The following NFASC variants were observed in gnomAD, a reference collection of about 807,000 sequenced individuals.
NFASC encodes the protein neurofascin.
NFASC carries 43 observed loss-of-function variants against 147.5 expected under a neutral mutation model. That is an observed-to-expected ratio of 0.29 (90% CI 0.23 to 0.38). The LOEUF is 0.38. Ranked by LOEUF, NFASC falls within the 10% of genes least tolerant of loss-of-function variation. NFASC has a pLI of 1.00. For missense variants in NFASC, 1,320 were observed against 1,689.0 expected (o/e 0.78, Z 3.83); for synonymous variants, 622 against 665.5 (o/e 0.93, Z 1.01).
At chr1:204,976,590 C>A in intron 15 of NFASC, 81 bp from the exon 16 acceptor site, 3 of 1,060,796 alleles carry the variant, frequency 2.8e-6, no homozygotes, top group Non-Finnish European at 2.8e-6. Context: ...GACTCGAGAA[C>A]CCCCTCTAGG....
intron 1 of NFASC, among the ~76,000 whole-genome samples, chr1:204,855,536 C>G (rs1158999927): frequency 6.6e-6 from 1 of 152,120 alleles, no homozygotes; most frequent in Non-Finnish European, 1.5e-5. Context: ...AGTAAAGAGA[C>G]CTCTGAGCAC....
intron 1 of NFASC, among the ~76,000 whole-genome samples, chr1:204,908,530 A>C (rs1206647461): frequency 6.6e-6 from 1 of 152,126 alleles, no homozygotes. Flanking sequence ...TGAGGGTATT[A>C]TAGATTCACA....
chr1:204,850,527 C>T (rs990192111), intron 1 of NFASC, among the ~76,000 whole-genome samples: 4 of 152,200 alleles, frequency 2.6e-5, no homozygotes, highest in African/African-American at 7.2e-5. Context: ...GAGGAGGGGC[C>T]TGGTGGGAGG....
intron 1 of NFASC, among the ~76,000 whole-genome samples, chr1:204,865,187 A>G (rs1319129350): frequency 6.6e-6 from 1 of 152,214 alleles, no homozygotes; most frequent in Non-Finnish European, 1.5e-5. Context: ...GGTAGTACTG[A>G]ACCCCATATA....
Position 204,972,255 on chromosome 1 carries a change from T to C in NFASC, c.1136-1021T>C, listed in dbSNP as rs185739523. 3.9e-5 allele frequency among the ~76,000 whole-genome samples: 6 copies of C among 152,358 alleles called. No homozygotes were observed. The East Asian group carries it at 5.8e-4, about 15-fold the overall frequency. On this transcript the variant is annotated intron_variant, in intron 11 of 29. Transcript: ENST00000339876. Reference sequence around the variant, plus strand: ...TCATCTTGAATGCGTTCATGTACTCTGTAAGCTAAGTCATCAGCTTCCTAG... The same window carrying C: ...TCATCTTGAATGCGTTCATGTACTCCGTAAGCTAAGTCATCAGCTTCCTAG...
intron 2 of NFASC, among the ~76,000 whole-genome samples, chr1:204,928,987 C>G (rs1052203028): frequency 6.6e-6 from 1 of 152,224 alleles, no homozygotes; most frequent in Non-Finnish European, 1.5e-5. Flanking sequence ...CAGCCCTTCC[C>G]TCTTCCCCAG....
chr1:205,007,873 G>C (rs957073121), intron 27 of NFASC, among the ~76,000 whole-genome samples: 1 of 152,140 alleles, frequency 6.6e-6, no homozygotes, highest in Admixed American at 6.5e-5. Context: ...AGCTTTGGAG[G>C]GTTAAAGCAA....
chr1:204,910,248 T>G (rs555469221), intron 1 of NFASC, among the ~76,000 whole-genome samples: 30 of 152,296 alleles, frequency 2.0e-4, no homozygotes, highest in African/African-American at 6.7e-4. Flanking sequence ...GATATTTGAT[T>G]TCTTTAATCA....
At chr1:204,836,506 A>G (rs926215560) in intron 1 of NFASC, among the ~76,000 whole-genome samples, 2 of 152,200 alleles carry the variant, frequency 1.3e-5, no homozygotes, top group African/African-American at 4.8e-5. Flanking sequence ...GGCACCACCA[A>G]TGTTTATGCT....
intron 1 of NFASC, among the ~76,000 whole-genome samples, chr1:204,879,038 C>T (rs996353722): frequency 1.3e-5 from 2 of 152,190 alleles, no homozygotes; most frequent in African/African-American, 2.4e-5. Flanking sequence ...TGAGGATAAC[C>T]TTCCCCTTAG....
intron 1 of NFASC, among the ~76,000 whole-genome samples, chr1:204,862,514 T>A (rs939191004): frequency 6.6e-6 from 1 of 152,230 alleles, no homozygotes; most frequent in African/African-American, 2.4e-5. Flanking sequence ...GTTATTGAAT[T>A]ATGTACACCT....
chr1:204,846,584 C>T (rs534765057), intron 1 of NFASC, among the ~76,000 whole-genome samples: 5 of 152,208 alleles, frequency 3.3e-5, no homozygotes, highest in African/African-American at 1.2e-4. Flanking sequence ...GAGGTAAGCT[C>T]TGGATTCCTA....
At chr1:204,897,554 A>G (rs1244804353) in intron 1 of NFASC, among the ~76,000 whole-genome samples, 1 of 152,038 alleles carries the variant, frequency 6.6e-6, no homozygotes, top group Non-Finnish European at 1.5e-5. Flanking sequence ...CAGTGCTCTA[A>G]TTCTAAAGCT....
chr1:204,988,678 C>T lies in NFASC; in HGVS notation c.2639C>T (p.Pro880Leu). 1 of 1,614,206 alleles carries T rather than the reference C, an allele frequency of 6.2e-7. No homozygotes were observed. The highest frequency in any genetic ancestry group is 8.5e-7 in the Non-Finnish European group (1 of 1,180,024). Residue 880 changes from proline (P) to leucine (L), a missense_variant, in exon 23 of 30, where the codon CCC becomes CTC. Physicochemically the swap from Pro to Leu is moderately conservative, Grantham distance 98. This residue lies in a region of NFASC where 981 missense variants were observed against 1,289.5 expected (regional missense o/e 0.76). Transcript: ENST00000339876. Reference sequence around the variant, plus strand: ...AAGCAGATAGTGGAAAACTTCTCTCCCAATCAGACCAAGTTCACGGTGCAA... The same window carrying T: ...AAGCAGATAGTGGAAAACTTCTCTCTCAATCAGACCAAGTTCACGGTGCAA... Reference protein sequence around the residue: ...VGKQIVENFSPNQTKFTVQRT... With the variant: ...VGKQIVENFSLNQTKFTVQRT...
In NFASC at chr1:204,968,968, C is replaced by T. The variant is rs201302248; in HGVS notation, c.989C>T (p.Ser330Leu). Residue 330 changes from serine (S) to leucine (L), a missense_variant, in exon 10 of 30, where the codon TCG becomes TTG. Physicochemically the swap from Ser to Leu is moderately radical, Grantham distance 145. Around this residue, in one of 3 missense-constraint regions of NFASC, gnomAD observed 981 missense variants for 1,289.5 expected, o/e 0.76. Transcript: ENST00000339876. The surrounding 1 kb of genome is among the most constrained non-coding windows in gnomAD (Gnocchi z 5.4). ...ATGGGCAGCATCCGGCACACGATCT[C>T]GGTGAGAGTAAAGGGTACGTTGTGT... ...NKMGSIRHTI[S>L]VRVKAAPYWL... 30 of 1,613,740 alleles carry T rather than the reference C, an allele frequency of 1.9e-5. No homozygotes were observed. The East Asian group carries it at 2.9e-4, about 16-fold the overall frequency.
intron 1 of NFASC, among the ~76,000 whole-genome samples, chr1:204,886,577 G>C (rs1461461451): frequency 6.6e-6 from 1 of 152,132 alleles, no homozygotes; most frequent in African/African-American, 2.4e-5. Context: ...AGTCTGGGAG[G>C]GGCCCAATAA....
intron 12 of NFASC, among the ~76,000 whole-genome samples, chr1:204,973,815 C>T (rs564597685): frequency 2.4e-4 from 37 of 152,206 alleles, no homozygotes; most frequent in Admixed American, 1.2e-3. Context: ...CTGGATCTCA[C>T]GGTGGGAAAT....
chr1:204,922,027 C>T (rs1458891272), intron 2 of NFASC, among the ~76,000 whole-genome samples: 3 of 152,014 alleles, frequency 2.0e-5, no homozygotes, highest in African/African-American at 7.3e-5. Context: ...GCAGGGGTGG[C>T]GCGGGCAGGG....
intron 3 of NFASC, among the ~76,000 whole-genome samples, chr1:204,948,995 C>T (rs1038224917): frequency 6.6e-6 from 1 of 152,192 alleles, no homozygotes; most frequent in African/African-American, 2.4e-5. Flanking sequence ...GGTGAAGATG[C>T]TGTGGAGACG....
Sources: allele counts gnomAD v4.1 joint callset (sites outside exome capture counted in the v4.1 genomes callset), GRCh38; gene constraint gnomAD v4.1.1; regional missense constraint gnomAD v4.1.1; non-coding constraint Gnocchi (gnomAD v3.1); transcripts MANE v1.5; gene names NCBI Gene and HGNC (gene_info 2026-07-23, HGNC 2026-07-21).